The following ACACA variants were observed in gnomAD, a reference collection of about 807,000 sequenced individuals.
ACACA encodes the protein acetyl-CoA carboxylase alpha.
A neutral mutation model predicts 296.1 loss-of-function variants in ACACA; 103 were observed. That is an observed-to-expected ratio of 0.35 (90% CI 0.30 to 0.41). The LOEUF (loss-of-function observed/expected upper bound fraction) is 0.41. Ranked by LOEUF, ACACA falls within the 10% of genes least tolerant of loss-of-function variation. ACACA has a pLI of 1.00. For synonymous variants in ACACA, 953 were observed against 1,038.6 expected, an observed-to-expected ratio of 0.92 and a Z score of 1.58; for missense variants, 1,554 against 2,989.7, an observed-to-expected ratio of 0.52 and a Z score of 11.20.
intron 2 of ACACA, 130 bp from the exon 3 acceptor site, chr17:37,330,555 T>G: frequency 8.7e-7 from 1 of 1,152,928 alleles, no homozygotes; most frequent in Non-Finnish European, 1.3e-6. Context: ...CTAACTTCCT[T>G]GGCTATTCTA....
intron 36 of ACACA, 66 bp from the exon 37 acceptor site, chr17:37,192,371 G>A (rs2077795204): frequency 7.2e-7 from 1 of 1,396,296 alleles, no homozygotes; most frequent in African/African-American, 1.4e-5. Flanking sequence ...CTATGAATGT[G>A]AATGTAAAAG....
At chr17:37,224,968 A>T (rs760526125) in intron 27 of ACACA, 24 bp downstream of exon 27, 37 of 175,184 alleles carry the variant, frequency 2.1e-4, no homozygotes, top group Non-Finnish European at 3.5e-4. Flanking sequence ...GGAAAGGGTT[A>T]TATATATATA....
chr17:37,245,449 AC>A (rs1319104286), intron 19 of ACACA, among the ~76,000 whole-genome samples: 4 of 152,186 alleles, frequency 2.6e-5, no homozygotes, highest in Admixed American at 1.3e-4. Context: ...TCTAACTTTT[AC>A]AACCATTTTG....
intron 3 of ACACA, among the ~76,000 whole-genome samples, chr17:37,308,279 T>A (rs2083974855): frequency 2.0e-5 from 3 of 152,124 alleles, no homozygotes; most frequent in African/African-American, 7.2e-5. Flanking sequence ...TGAAAATGTA[T>A]ATCCAAGCTT....
At chr17:37,247,338 A>G (rs1041553583) in intron 18 of ACACA, among the ~76,000 whole-genome samples, 17 of 151,874 alleles carry the variant, frequency 1.1e-4, no homozygotes, top group Non-Finnish European at 2.1e-4. Flanking sequence ...TTTCATTCTC[A>G]TAACACCATA....
chr17:37,216,417 A>C (rs2079001986), intron 29 of ACACA, among the ~76,000 whole-genome samples: 1 of 152,054 alleles, frequency 6.6e-6, no homozygotes, highest in South Asian at 2.1e-4. Context: ...AAAATTTAGA[A>C]GTCTTGGGTA....
chr17:37,182,943 C>G (rs988825639), intron 39 of ACACA, among the ~76,000 whole-genome samples: 1 of 152,160 alleles, frequency 6.6e-6, no homozygotes, highest in African/African-American at 2.4e-5. Flanking sequence ...AGCTCCCAGT[C>G]CTCTTCCACA....
chr17:37,235,339 CTG>C (rs1456448584), intron 24 of ACACA, among the ~76,000 whole-genome samples: 3 of 152,070 alleles, frequency 2.0e-5, no homozygotes, highest in African/African-American at 7.2e-5. Context: ...TAGCAATTTA[CTG>C]TGTGCTCCTG....
intron 35 of ACACA, among the ~76,000 whole-genome samples, chr17:37,196,253 AAT>A (rs1280021276): frequency 2.0e-5 from 3 of 152,062 alleles, no homozygotes; most frequent in African/African-American, 7.2e-5. Flanking sequence ...TCTGAAAACT[AAT>A]AGTTGGTCCA....
chr17:37,307,105 G>C (rs1464905291), intron 3 of ACACA, among the ~76,000 whole-genome samples: 1 of 152,062 alleles, frequency 6.6e-6, no homozygotes, highest in African/African-American at 2.4e-5. Flanking sequence ...ATTTCTGTAT[G>C]GTATTCCATC....
intron 29 of ACACA, among the ~76,000 whole-genome samples, chr17:37,218,899 C>A (rs1409020037): frequency 2.6e-5 from 4 of 152,172 alleles, no homozygotes; most frequent in Non-Finnish European, 5.9e-5. Context: ...GATGAGCAGG[C>A]CTATTGTATA....
At chr17:37,380,904 T>TCTATATTCTACTAGCCCCC (rs1568079850) in intron 1 of ACACA, among the ~76,000 whole-genome samples, 8 of 151,676 alleles carry the variant, frequency 5.3e-5, no homozygotes, top group African/African-American at 1.7e-4. Context: ...CCAGGTTTTT[T>TCTATATTCTACTAGCCCCC]TTTTTTTTAA....
chr17:37,116,184 G>A (rs1345061356), intron 50 of ACACA, among the ~76,000 whole-genome samples: 1 of 151,992 alleles, frequency 6.6e-6, no homozygotes, highest in African/African-American at 2.4e-5. Context: ...GTAGAGACGG[G>A]GTTTCACCAC....
intron 1 of ACACA, among the ~76,000 whole-genome samples, chr17:37,376,484 A>G (rs1209759843): frequency 6.6e-6 from 1 of 152,180 alleles, no homozygotes; most frequent in African/African-American, 2.4e-5. Flanking sequence ...CATACTGTTC[A>G]TAAGATGTTG....
intron 1 of ACACA, among the ~76,000 whole-genome samples, chr17:37,383,368 A>G (rs2050388341): frequency 6.6e-6 from 1 of 152,184 alleles, no homozygotes; most frequent in Non-Finnish European, 1.5e-5. Context: ...TCCCAGAGAA[A>G]AAGAAACTCT....
intron 35 of ACACA, among the ~76,000 whole-genome samples, chr17:37,198,958 G>T (rs2078123778): frequency 6.6e-6 from 1 of 152,190 alleles, no homozygotes; most frequent in African/African-American, 2.4e-5. Context: ...AAACCAAACA[G>T]GCTGGGCACA....
rs552235835 is a variant in ACACA at position 37,156,314 on chromosome 17, C to T, written c.5350-534G>A. Among the ~76,000 whole-genome samples the T allele has an allele frequency of 2.4e-4, 36 of 152,228 alleles. 1 individual carries two copies. Among genetic ancestry groups the T allele is most frequent in the Middle Eastern group, 3.4e-3 (1 of 294 alleles). On this transcript the variant is annotated intron_variant, in intron 42 of 55. Coordinates refer to ENST00000616317, the MANE Select transcript of ACACA (RefSeq NM_198834.3). ...TCCTGACCTCGTGATCCGCCCGCCT[C>T]GGCCTCCCAAAGTGCTGGGATTAAA...
chr17:37,209,315 G>A (rs1458580416), intron 30 of ACACA, among the ~76,000 whole-genome samples: 1 of 152,182 alleles, frequency 6.6e-6, no homozygotes, highest in East Asian at 1.9e-4. Context: ...AAGTTTGTGA[G>A]GCATTGTATC....
rs201257197 is a variant in ACACA at position 37,221,709 on chromosome 17, C to T, written c.3683+15G>A. 9.7e-4 allele frequency: 1,547 copies of T among 1,600,220 alleles called. 3 individuals carry two copies. The highest frequency in any genetic ancestry group is 1.0e-3 in the Non-Finnish European group (1,171 of 1,167,354). ...CCTCTGGCTGGCTCGGGTGCACATA[C>T]CACCTCAAACTCACCTGTTTGGATG... On this transcript the variant is annotated intron_variant, in intron 29 of 55. Coordinates refer to ENST00000616317, the MANE Select transcript of ACACA (RefSeq NM_198834.3).
Sources: allele counts gnomAD v4.1 joint callset (sites outside exome capture counted in the v4.1 genomes callset), GRCh38; gene constraint gnomAD v4.1.1; transcripts MANE v1.5; gene names NCBI Gene and HGNC (gene_info 2026-07-23, HGNC 2026-07-21).